CUL5: variants seen among roughly 807,000 people sequenced by gnomAD.
The protein encoded by CUL5 is cullin 5.
Under a neutral mutation model 108.8 loss-of-function variants are expected in CUL5, and 26 were observed. The observed-to-expected ratio is 0.24, with a 90% CI of 0.18 to 0.33. The LOEUF is 0.33. Ranked by LOEUF, CUL5 falls within the 10% of genes least tolerant of loss-of-function variation. CUL5 has a pLI of 1.00. For synonymous variants in CUL5, 334 were observed against 298.0 expected (o/e 1.12, Z -1.25); for missense variants, 524 against 909.2 (o/e 0.58, Z 5.45).
At chr11:108,063,742 G>T (rs1196418403) in intron 7 of CUL5, among the ~76,000 whole-genome samples, 1 of 151,894 alleles carries the variant, frequency 6.6e-6, no homozygotes, top group Non-Finnish European at 1.5e-5. Flanking sequence ...CATTCTTTTT[G>T]GTATATAGCC....
At chr11:108,096,621 C>T (rs535114764) in intron 16 of CUL5, among the ~76,000 whole-genome samples, 2 of 116,800 alleles carry the variant, frequency 1.7e-5, no homozygotes, top group South Asian at 5.7e-4. Context: ...GGCTGGAGTG[C>T]AATGGCGCAA....
At chr11:108,082,794 G>T (rs1376806699) in intron 11 of CUL5, among the ~76,000 whole-genome samples, 1 of 148,380 alleles carries the variant, frequency 6.7e-6, no homozygotes, top group Non-Finnish European at 1.5e-5. Context: ...CACCATGCCC[G>T]GCTAATTTTT....
chr11:108,059,664 G>A (rs566455034), intron 7 of CUL5, among the ~76,000 whole-genome samples: 1 of 152,154 alleles, frequency 6.6e-6, no homozygotes, highest in Non-Finnish European at 1.5e-5. Context: ...GGATCATGAG[G>A]TCAGGAGTTC....
intron 8 of CUL5, among the ~76,000 whole-genome samples, chr11:108,071,242 C>T (rs929775000): frequency 6.6e-6 from 1 of 152,016 alleles, no homozygotes; most frequent in Non-Finnish European, 1.5e-5. Flanking sequence ...ATAAATATTC[C>T]TTTGCACTGA....
In CUL5 at chr11:108,031,799, G is replaced by T. The variant is rs138455557; in HGVS notation, c.25-2003G>T. Among the ~76,000 whole-genome samples the T allele has an allele frequency of 9.4e-3, 1,431 of 152,278 alleles. 27 individuals carry two copies. Among genetic ancestry groups the T allele is most frequent in the African/African-American group, 0.031 (1,277 of 41,544 alleles). On this transcript the variant is annotated intron_variant, in intron 1 of 18. Transcript: ENST00000393094. ...GCCCATCAATGATAGACTGGATAAA[G>T]AAAATGTGGTACATATACACCATGG... is the stretch of plus-strand genomic sequence containing the variant.
At chr11:108,064,099 G>GT (rs1296857328) in intron 7 of CUL5, among the ~76,000 whole-genome samples, 2 of 152,154 alleles carry the variant, frequency 1.3e-5, no homozygotes, top group African/African-American at 4.8e-5. Context: ...TCCTTGTCAT[G>GT]TTTGAGATCT....
intron 18 of CUL5, among the ~76,000 whole-genome samples, chr11:108,103,325 C>G (rs1037656778): frequency 3.4e-4 from 51 of 151,808 alleles, no homozygotes; most frequent in African/African-American, 1.2e-3. Context: ...CTTTGGGAGA[C>G]CAGGGCAGGG....
intron 3 of CUL5, among the ~76,000 whole-genome samples, chr11:108,046,665 A>T (rs186988790): frequency 6.6e-6 from 1 of 152,300 alleles, no homozygotes; most frequent in East Asian, 1.9e-4. Context: ...GCTACACATC[A>T]GTCCACACAG....
chr11:108,096,547 A>G (rs1864502221), intron 16 of CUL5, among the ~76,000 whole-genome samples: 1 of 148,940 alleles, frequency 6.7e-6, no homozygotes, highest in African/African-American at 2.5e-5. Flanking sequence ...CCTGTGAGGA[A>G]TGTGACCAGC....
At chr11:108,067,421 A>T (rs778159542) in intron 7 of CUL5, among the ~76,000 whole-genome samples, 9 of 152,166 alleles carry the variant, frequency 5.9e-5, no homozygotes, top group Non-Finnish European at 1.0e-4. Context: ...AATACATTTT[A>T]TATTGTGGCT....
Position 108,049,886 on chromosome 11 carries a change from T to A in CUL5, c.235-4T>A. 6.3e-7 allele frequency: 1 copy of A among 1,598,116 alleles called. No homozygotes were observed. The highest frequency in any genetic ancestry group is 8.5e-7 in the Non-Finnish European group (1 of 1,175,012). ...TTTCAAATTGGTACACCTCTTTTTT[T>A]CAGCGAGTACTGAGCCATCAAGATG... On this transcript the variant is annotated splice_region_variant and splice_polypyrimidine_tract_variant and intron_variant, in intron 3 of 18. Transcript: ENST00000393094.
At chr11:108,042,003 T>C (rs1056953877) in intron 2 of CUL5, among the ~76,000 whole-genome samples, 1 of 152,196 alleles carries the variant, frequency 6.6e-6, no homozygotes, top group Admixed American at 6.5e-5. Flanking sequence ...AAATAAAAGA[T>C]GATGGGGACT....
intron 10 of CUL5, among the ~76,000 whole-genome samples, chr11:108,076,378 C>G (rs1250788629): frequency 2.0e-5 from 3 of 152,130 alleles, no homozygotes; most frequent in Non-Finnish European, 4.4e-5. Flanking sequence ...TACATTAGCT[C>G]TCTAGACTTT....
chr11:108,084,295 A>G (rs1864171667), intron 11 of CUL5, among the ~76,000 whole-genome samples: 1 of 152,252 alleles, frequency 6.6e-6, no homozygotes, highest in Non-Finnish European at 1.5e-5. Context: ...ATGTACAGAA[A>G]TGCCAGATAA....
intron 17 of CUL5, 132 bp from the exon 18 acceptor site, chr11:108,098,270 GTTAT>G (rs1864549302): frequency 8.4e-6 from 6 of 718,212 alleles, no homozygotes; most frequent in South Asian, 2.9e-5. Context: ...CAATATGTAG[GTTAT>G]TTGTCATTTA....
At chr11:108,024,111 T>C (rs1213217009) in intron 1 of CUL5, among the ~76,000 whole-genome samples, 1 of 152,246 alleles carries the variant, frequency 6.6e-6, no homozygotes, top group East Asian at 1.9e-4. Flanking sequence ...ATTCATTCCT[T>C]ATCCAGGAAA....
rs957439101 is a variant in CUL5, at chr11:108,104,915, G to A, written c.*531G>A. ...ACGGCAGATGTAGGTGAGAAGTTAA[G>A]TATTTAATAGTATCAAATTGTTCAA... On this transcript the variant is annotated 3_prime_UTR_variant, in exon 19 of 19. Coordinates refer to ENST00000393094, the MANE Select transcript of CUL5 (RefSeq NM_003478.6). 1 of 152,600 alleles carries A rather than the reference G, an allele frequency of 6.6e-6. No homozygotes were observed. Among genetic ancestry groups the A allele is most frequent in the South Asian group, 2.1e-4 (1 of 4,832 alleles). The allele number at this position is 152,600 out of a possible 1,614,324, so 9.5% of individuals were successfully genotyped here. A position where few individuals can be genotyped will look rare whatever the true frequency, so the allele number is the denominator to read the frequency against.
At position 108,060,243 on chromosome 11, in the gene CUL5, T is replaced by G. The variant is rs1863500315; in HGVS notation, c.780+5288T>G. On this transcript the variant is annotated intron_variant, in intron 7 of 18. Coordinates refer to ENST00000393094, the MANE Select transcript of CUL5 (RefSeq NM_003478.6). The stretch of plus-strand genomic sequence containing the variant: ...CAAAAAGACAAGGTGATCCAGACTT[T>G]TGTAGTGCCACTAATGATAGTAGTA... 2.0e-5 allele frequency among the ~76,000 whole-genome samples: 3 copies of G among 152,232 alleles called. No individual in the cohort carries two copies. The South Asian group carries it at 6.2e-4, about 32-fold the overall frequency.
intron 2 of CUL5, among the ~76,000 whole-genome samples, chr11:108,038,148 A>C (rs1484473107): frequency 6.6e-6 from 1 of 152,176 alleles, no homozygotes; most frequent in African/African-American, 2.4e-5. Flanking sequence ...TCATGTATAC[A>C]TATATTTTTT....
Sources: allele counts gnomAD v4.1 joint callset (sites outside exome capture counted in the v4.1 genomes callset), GRCh38; gene constraint gnomAD v4.1.1; transcripts MANE v1.5; gene names NCBI Gene and HGNC (gene_info 2026-07-23, HGNC 2026-07-21).